The following LIN28B variants were observed in gnomAD, a reference collection of about 807,000 sequenced individuals.
LIN28B encodes protein lin-28 homolog B.
A neutral mutation model predicts 21.9 loss-of-function variants in LIN28B; 5 were observed. The observed-to-expected ratio is 0.23, with a 90% confidence interval of 0.12 to 0.48. The LOEUF is 0.48. Among genes scored for constraint, LIN28B ranks in the 20% least tolerant of loss-of-function variants. The probability of loss-of-function intolerance (pLI) is 0.98; values close to 1 mark genes in which losing one functional copy is unlikely to be tolerated. For synonymous variants in LIN28B, 109 were observed against 111.3 expected (o/e 0.98, Z 0.13); for missense variants, 245 against 310.5 (o/e 0.79, Z 1.58).
intron 3 of LIN28B, among the ~76,000 whole-genome samples, chr6:105,063,621 G>C (rs1772165170): frequency 7.9e-6 from 1 of 126,742 alleles, no homozygotes. Context: ...GGGCGACAGA[G>C]CAAGACTCCA....
At chr6:105,002,247 C>T (rs894101039) in intron 2 of LIN28B, among the ~76,000 whole-genome samples, 1 of 149,658 alleles carries the variant, frequency 6.7e-6, no homozygotes, top group African/African-American at 2.5e-5. Flanking sequence ...AAGGTTTTCT[C>T]CTGTGGCATA....
At chr6:105,020,686 C>T (rs1050838152) in intron 2 of LIN28B, among the ~76,000 whole-genome samples, 2 of 151,346 alleles carry the variant, frequency 1.3e-5, no homozygotes, top group African/African-American at 4.9e-5. Flanking sequence ...ATTGAATTCT[C>T]ATCATCCACC....
At chr6:105,011,840 G>A (rs1247075032) in intron 2 of LIN28B, among the ~76,000 whole-genome samples, 2 of 151,488 alleles carry the variant, frequency 1.3e-5, no homozygotes, top group Admixed American at 1.3e-4. Context: ...GTGAGACTCC[G>A]TCTCTCCAAA....
chr6:105,015,842 A>G (rs899018187), intron 2 of LIN28B, among the ~76,000 whole-genome samples: 1 of 152,166 alleles, frequency 6.6e-6, no homozygotes, highest in Non-Finnish European at 1.5e-5. Context: ...AATATTCAGT[A>G]TATTTGTGTT....
At chr6:104,991,890 A>G (rs1174378904) in intron 2 of LIN28B, among the ~76,000 whole-genome samples, 2 of 152,132 alleles carry the variant, frequency 1.3e-5, no homozygotes, top group African/African-American at 4.8e-5. Flanking sequence ...GTGCGCCTGC[A>G]ATCGCAGGCA....
chr6:104,938,454 C>A (rs1778038477), intron 2 of LIN28B, among the ~76,000 whole-genome samples: 1 of 151,980 alleles, frequency 6.6e-6, no homozygotes, highest in African/African-American at 2.4e-5. Context: ...GCGTGGGCAA[C>A]ATGGTGAAAC....
intron 3 of LIN28B, among the ~76,000 whole-genome samples, chr6:105,031,237 A>G (rs1425375687): frequency 1.3e-5 from 2 of 152,032 alleles, no homozygotes; most frequent in East Asian, 3.9e-4. Context: ...TTACTGGTCA[A>G]ATTTCCCAGA....
chr6:105,078,623 G>A lies in LIN28B; in HGVS notation c.593G>A (p.Gly198Glu). 6.2e-7 allele frequency: 1 copy of A among 1,614,068 alleles called. No homozygotes were observed. Among genetic ancestry groups the A allele is most frequent in the Non-Finnish European group, 8.5e-7 (1 of 1,180,016 alleles). Residue 198 changes from glycine (G) to glutamate (E), a missense_variant, in exon 4 of 4, where the codon GGG becomes GAG. By Grantham distance (98) the Gly-to-Glu change is moderately conservative. Transcript: ENST00000345080. ...ACTCTCCCTCGAGAAGTGGGAGGCG[G>A]GCATGGCTGTACATCACCACCGTTT... ...TSTLPREVGG[G>E]HGCTSPPFPQ...
chr6:104,950,335 AG>A (rs1562560094), intron 2 of LIN28B: 2 of 457,964 alleles, frequency 4.4e-6, no homozygotes, highest in African/African-American at 4.0e-5. Flanking sequence ...TGTAAAAAAA[AG>A]TTTACAGGTC....
chr6:104,952,771 A>G (rs1473893684), upstream of LIN28B, among the ~76,000 whole-genome samples: 2 of 152,204 alleles, frequency 1.3e-5, no homozygotes, highest in Non-Finnish European at 2.9e-5. Flanking sequence ...CTGTATTTCC[A>G]TAATTTTACT....
chr6:105,043,151 A>G (rs1372510977), intron 3 of LIN28B, among the ~76,000 whole-genome samples: 5 of 151,998 alleles, frequency 3.3e-5, no homozygotes, highest in Admixed American at 2.6e-4. Context: ...AACTGGCCAG[A>G]CGTTATGGCT....
intron 3 of LIN28B, among the ~76,000 whole-genome samples, chr6:104,951,106 T>C (rs1344246071): frequency 6.6e-6 from 1 of 152,174 alleles, no homozygotes; most frequent in Non-Finnish European, 1.5e-5. Flanking sequence ...ACCCAGACTT[T>C]TGACATGCTT....
At chr6:105,023,118 C>T (rs1453574117) in intron 2 of LIN28B, among the ~76,000 whole-genome samples, 1 of 140,676 alleles carries the variant, frequency 7.1e-6, no homozygotes, top group Admixed American at 8.2e-5. Flanking sequence ...TCTTTTCCAC[C>T]TATGTAGCAG....
At chr6:105,060,502 T>C (rs973896371) in intron 3 of LIN28B, among the ~76,000 whole-genome samples, 1 of 152,180 alleles carries the variant, frequency 6.6e-6, no homozygotes, top group Non-Finnish European at 1.5e-5. Flanking sequence ...CAGTGGTTGG[T>C]GACTGAGTGG....
rs536889394 is a variant in LIN28B at position 105,080,426 on chromosome 6, C to T, written c.*1643C>T. On this transcript the variant is annotated 3_prime_UTR_variant, in exon 4 of 4. Transcript: ENST00000345080. ...GCTGAACAGTTTCTACTTCCTCTCC[C>T]GCCTGTCCTGTCATGGGAGACGTGT... The T allele has an allele frequency of 6.5e-6, 1 of 152,692 alleles. No individual in the cohort carries two copies. Among genetic ancestry groups the T allele is most frequent in the Non-Finnish European group, 1.5e-5 (1 of 68,028 alleles). The allele number at this position is 152,692 out of a possible 1,614,324, so 9.5% of individuals were successfully genotyped here.
At chr6:104,982,014 A>G (rs755582993) in intron 2 of LIN28B, among the ~76,000 whole-genome samples, 14 of 152,156 alleles carry the variant, frequency 9.2e-5, no homozygotes, top group Non-Finnish European at 1.3e-4. Flanking sequence ...CAGGATTATC[A>G]TAAGAAGAAG....
chr6:104,959,930 A>C (rs935455278), intron 2 of LIN28B, among the ~76,000 whole-genome samples: 1 of 152,158 alleles, frequency 6.6e-6, no homozygotes, highest in Non-Finnish European at 1.5e-5. Flanking sequence ...TAAAATATTC[A>C]TCAAATGTTA....
chr6:104,979,549 G>A (rs1301410520), intron 2 of LIN28B, among the ~76,000 whole-genome samples: 2 of 151,294 alleles, frequency 1.3e-5, no homozygotes, highest in Non-Finnish European at 2.9e-5. Context: ...ATCACTCAGA[G>A]ATAACCACTG....
chr6:104,962,395 G>T (rs1294268194), intron 2 of LIN28B, among the ~76,000 whole-genome samples: 3 of 151,490 alleles, frequency 2.0e-5, no homozygotes, highest in South Asian at 2.1e-4. Flanking sequence ...TCTTCTTATG[G>T]TCTTTATTTT....
Sources: allele counts gnomAD v4.1 joint callset (sites outside exome capture counted in the v4.1 genomes callset), GRCh38; gene constraint gnomAD v4.1.1; transcripts MANE v1.5; gene names NCBI Gene and HGNC (gene_info 2026-07-23, HGNC 2026-07-21).